Variants in ROBO2 observed in about 807,000 individuals in gnomAD.
ROBO2 encodes roundabout guidance receptor 2, also known as roundabout homolog 2.
A neutral mutation model predicts 160.8 loss-of-function variants in ROBO2; 53 were observed. The ratio of observed to expected loss-of-function variants is 0.33; its 90% CI spans 0.26 to 0.41. ROBO2 has a LOEUF of 0.41. Ranked by LOEUF, ROBO2 falls within the 10% of genes least tolerant of loss-of-function variation. The pLI, the probability that ROBO2 is intolerant of heterozygous loss-of-function variation, is 1.00. For missense variants in ROBO2, 1,577 were observed against 1,722.4 expected (o/e 0.92, Z 1.49); for synonymous variants, 664 against 611.7 (o/e 1.09, Z -1.26).
chr3:76,926,038 G>A (rs9819527), intron 2 of ROBO2, among the ~76,000 whole-genome samples: 4,215 of 152,184 alleles, frequency 0.028, 170 homozygotes, highest in African/African-American at 0.096. Context: ...TTTGATTTCT[G>A]TCTCAGTCTA....
intron 1 of ROBO2, among the ~76,000 whole-genome samples, chr3:77,058,236 T>G (rs1412987622): frequency 6.6e-6 from 1 of 152,192 alleles, no homozygotes; most frequent in Non-Finnish European, 1.5e-5. Context: ...AGCCATCTAG[T>G]TTTATTCAGT....
At position 76,208,614 on chromosome 3, in the gene ROBO2, T is replaced by A. The variant is rs552952197; in HGVS notation, c.109+271012T>A. 5.3e-5 allele frequency among the ~76,000 whole-genome samples: 8 copies of A among 152,226 alleles called. No individual in the cohort carries two copies. In the South Asian group the frequency reaches 8.3e-4, roughly 16 times the overall value. ...GCTAAAGTAACTCCATCTGAGAAAA[T>A]AATCTGCCACGTTGACTTCTGATTA... On this transcript the variant is annotated intron_variant, in intron 2 of 26. Transcript: ENST00000487694.
At chr3:76,787,328 CCACACACA>C (rs60806662) in intron 2 of ROBO2, among the ~76,000 whole-genome samples, 6 of 142,168 alleles carry the variant, frequency 4.2e-5, no homozygotes, top group African/African-American at 5.2e-5. Flanking sequence ...TGTAAACACA[CCACACACA>C]CACACACACA....
intron 2 of ROBO2, among the ~76,000 whole-genome samples, chr3:77,150,993 T>A (rs985357167): frequency 2.8e-4 from 42 of 152,142 alleles, no homozygotes; most frequent in African/African-American, 1.0e-3. Flanking sequence ...AATTGAGTTT[T>A]ATAGTATAGG....
chr3:76,327,626 T>C (rs190843747), intron 2 of ROBO2, among the ~76,000 whole-genome samples: 1 of 152,320 alleles, frequency 6.6e-6, no homozygotes, highest in Non-Finnish European at 1.5e-5. Context: ...CTAGCCTGCA[T>C]AAATATAAAC....
chr3:76,561,289 G>A (rs570394456), intron 2 of ROBO2, among the ~76,000 whole-genome samples: 6 of 152,126 alleles, frequency 3.9e-5, no homozygotes, highest in South Asian at 2.1e-4. Flanking sequence ...AAGAGAGGAC[G>A]AGAGGAGGAA....
intron 2 of ROBO2, among the ~76,000 whole-genome samples, chr3:77,316,276 AG>A (rs1436597993): frequency 6.6e-6 from 1 of 152,182 alleles, no homozygotes; most frequent in Non-Finnish European, 1.5e-5. Flanking sequence ...GGTGTAAAAG[AG>A]GTGACGACGA....
intron 2 of ROBO2, among the ~76,000 whole-genome samples, chr3:76,689,953 T>G (rs2092766473): frequency 6.6e-6 from 1 of 152,080 alleles, no homozygotes; most frequent in South Asian, 2.1e-4. Context: ...TTTTACTCCC[T>G]CCTCCTTGAG....
chr3:77,486,078 A>G (rs902103074), intron 4 of ROBO2, among the ~76,000 whole-genome samples: 1 of 152,166 alleles, frequency 6.6e-6, no homozygotes, highest in Non-Finnish European at 1.5e-5. Context: ...AATGGCTTCC[A>G]GCTCCATCTG....
At chr3:76,962,167 T>A (rs2149239822) in intron 2 of ROBO2, among the ~76,000 whole-genome samples, 1 of 152,162 alleles carries the variant, frequency 6.6e-6, no homozygotes, top group African/African-American at 2.4e-5. Context: ...CAACCCTGTC[T>A]CTACTAGAAA....
intron 1 of ROBO2, among the ~76,000 whole-genome samples, chr3:75,924,833 C>G (rs1288813623): frequency 1.3e-5 from 2 of 150,972 alleles, no homozygotes; most frequent in African/African-American, 4.9e-5. Flanking sequence ...GGACTACAGG[C>G]GCCTGCCACC....
chr3:76,384,031 A>G (rs1253233836), intron 2 of ROBO2, among the ~76,000 whole-genome samples: 3 of 152,224 alleles, frequency 2.0e-5, no homozygotes, highest in African/African-American at 7.2e-5. Context: ...AGCGTCCCTG[A>G]TAAGGCACTG....
At chr3:77,573,521 T>C (rs2093687780) in intron 13 of ROBO2, among the ~76,000 whole-genome samples, 1 of 152,068 alleles carries the variant, frequency 6.6e-6, no homozygotes. Context: ...TTGTCAAGAA[T>C]GGGACAATTG....
At chr3:76,834,062 T>TTTTC (rs71104628) in intron 2 of ROBO2, among the ~76,000 whole-genome samples, 19,713 of 87,838 alleles carry the variant, frequency 0.22, 2,671 homozygotes, top group Non-Finnish European at 0.25. Context: ...CCTTTCTTTC[T>TTTTC]TTTCTTTCTT....
At chr3:76,672,036 G>C (rs1035225344) in intron 2 of ROBO2, among the ~76,000 whole-genome samples, 2 of 151,792 alleles carry the variant, frequency 1.3e-5, no homozygotes, top group Admixed American at 1.3e-4. Context: ...TGATTAAGAT[G>C]GTCTATGAAT....
At position 76,223,076 on chromosome 3, in the gene ROBO2, C is replaced by G. The variant is rs372936997; in HGVS notation, c.109+285474C>G. Among the ~76,000 whole-genome samples, 3 of 151,638 alleles carry G rather than the reference C, an allele frequency of 2.0e-5. No individual in the cohort carries two copies. In the East Asian group the frequency reaches 6.0e-4, roughly 30 times the overall value. On this transcript the variant is annotated intron_variant, in intron 2 of 26. Coordinates refer to the ROBO2 transcript ENST00000487694. ...AGCCCTTATCCCACAGTCTTAATAT[C>G]CATTCCCAGACATGCTCCCCAGACT...
intron 2 of ROBO2, among the ~76,000 whole-genome samples, chr3:76,393,834 C>T (rs2077279957): frequency 6.6e-6 from 1 of 152,118 alleles, no homozygotes; most frequent in Non-Finnish European, 1.5e-5. Flanking sequence ...CATGTAGTAA[C>T]ATGGTCCAGG....
chr3:76,055,013 C>A (rs12714847), intron 2 of ROBO2, among the ~76,000 whole-genome samples: 91,376 of 152,038 alleles, frequency 0.6, 28,213 homozygotes, highest in Middle Eastern at 0.74. Flanking sequence ...GGTCATTTAT[C>A]AAGGAAAGAG....
At chr3:76,405,694 A>G (rs897502682) in intron 2 of ROBO2, among the ~76,000 whole-genome samples, 1 of 151,700 alleles carries the variant, frequency 6.6e-6, no homozygotes, top group Non-Finnish European at 1.5e-5. Context: ...CCACATGTTC[A>G]TCTTCTACTT....
Sources: gnomAD v4.1 joint callset for allele counts (sites outside exome capture counted in the v4.1 genomes callset) on GRCh38, gnomAD v4.1.1 for gene constraint, MANE v1.5 for transcripts, NCBI Gene and HGNC (gene_info 2026-07-23, HGNC 2026-07-21) for gene names.